The following TBC1D9B variants were observed in gnomAD, a reference collection of about 807,000 sequenced individuals.
TBC1D9B encodes TBC1 domain family, member 9B (with GRAM domain).
A neutral mutation model predicts 121.1 loss-of-function variants in TBC1D9B; 87 were observed. The observed-to-expected ratio is 0.72, with a 90% CI of 0.60 to 0.86. The LOEUF (loss-of-function observed/expected upper bound fraction) is 0.86, where lower values mean the gene tolerates loss of function less well. TBC1D9B is among the 40% of genes least tolerant of loss of function. The pLI, the probability that TBC1D9B is intolerant of heterozygous loss-of-function variation, is 0.00. For synonymous variants in TBC1D9B, 668 were observed against 670.1 expected (o/e 1.00, Z 0.05); for missense variants, 1,540 against 1,628.6 (o/e 0.95, Z 0.94).
chr5:179,897,998 A>C (rs904688317), intron 3 of TBC1D9B, among the ~76,000 whole-genome samples: 2 of 152,194 alleles, frequency 1.3e-5, no homozygotes, highest in Non-Finnish European at 2.9e-5. Flanking sequence ...AACTTAAGGC[A>C]ATAACCTAAC....
intron 2 of TBC1D9B, 55 bp from the exon 3 acceptor site, chr5:179,899,362 C>G: frequency 6.8e-7 from 1 of 1,474,288 alleles, no homozygotes; most frequent in Admixed American, 1.8e-5. Context: ...AGGCCTTAAA[C>G]GCACATTCAA....
chr5:179,882,197 G>A (rs955199005), intron 7 of TBC1D9B, among the ~76,000 whole-genome samples: 5 of 152,066 alleles, frequency 3.3e-5, no homozygotes, highest in African/African-American at 9.7e-5. Context: ...CGCCTGCCTC[G>A]GCCTCCCAAA....
chr5:179,907,488 T>C lies in TBC1D9B; in HGVS notation c.118+216A>G, dbSNP rs1761357154. Reference sequence around the variant, plus strand: ...TGAGGAGAGCCCGCCGAGGGCGCATTCGCCTCCCGCCAGCCCCTCGCCTCC... The same window carrying C: ...TGAGGAGAGCCCGCCGAGGGCGCATCCGCCTCCCGCCAGCCCCTCGCCTCC... On this transcript the variant is annotated intron_variant, in intron 1 of 20. Coordinates refer to ENST00000355235, the MANE Select transcript of TBC1D9B (RefSeq NM_015043.4). This position sits in a 1 kb window ranked among gnomAD's most constrained non-coding sequence, Gnocchi z 5.3. Among the ~76,000 whole-genome samples, 2 of 150,824 alleles carry C rather than the reference T, an allele frequency of 1.3e-5. No homozygotes were observed. The highest frequency in any genetic ancestry group is 6.6e-5 in the Admixed American group (1 of 15,148).
At chr5:179,886,699 C>T (rs901348936) in intron 7 of TBC1D9B, among the ~76,000 whole-genome samples, 20 of 152,260 alleles carry the variant, frequency 1.3e-4, no homozygotes, top group African/African-American at 4.3e-4. Context: ...AGCTCCCACG[C>T]CCGCTGCCCA....
chr5:179,898,715 CTGGGATTAT>C (rs2113646535), intron 3 of TBC1D9B, among the ~76,000 whole-genome samples: 1 of 152,306 alleles, frequency 6.6e-6, no homozygotes, highest in Non-Finnish European at 1.5e-5. Context: ...TCCCATAGTG[CTGGGATTAT>C]AGGTGTGGGC....
In TBC1D9B at chr5:179,891,835, C is replaced by T. The variant is rs2113637086; in HGVS notation, c.837-249G>A. 6.6e-6 allele frequency among the ~76,000 whole-genome samples: 1 copy of T among 152,320 alleles called. No individual in the cohort carries two copies. Among genetic ancestry groups the T allele is most frequent in the Non-Finnish European group, 1.5e-5 (1 of 68,026 alleles). On this transcript the variant is annotated intron_variant, in intron 5 of 20. Transcript: ENST00000355235. The surrounding 1 kb of genome is among the most constrained non-coding windows in gnomAD (Gnocchi z 4.3). ...GGCCAGCAAGCAATGTGTCCTGAGA[C>T]TGCTTTGAAAAGGACACACCTAGAT...
In TBC1D9B at chr5:179,905,948, C is replaced by T. The variant is rs547050919; in HGVS notation, c.119-1136G>A. 5.9e-5 allele frequency among the ~76,000 whole-genome samples: 9 copies of T among 152,322 alleles called. No homozygotes were observed. In the South Asian group the frequency reaches 1.9e-3, roughly 32 times the overall value. On this transcript the variant is annotated intron_variant, in intron 1 of 20. Transcript: ENST00000355235. ...AAGGTGGAGTGCAATGGCGCCATCT[C>T]GGCTCACTGCAACCTTGACCTCCTG...
chr5:179,891,436 G>A lies in TBC1D9B; in HGVS notation c.987C>T (p.Tyr329=). 6.2e-7 allele frequency: 1 copy of A among 1,614,236 alleles called. No individual in the cohort carries two copies. Among genetic ancestry groups the A allele is most frequent in the East Asian group, 2.2e-5 (1 of 44,884 alleles). ...CCTCCTCCTTGCTGGCGAAGCAGAT[G>A]TAGTTGTTGGAGATGAACATCTGGC... ...IPGQMFISNN[Y]ICFASKEEDA... Residue 329 remains tyrosine (Y), a synonymous_variant, in exon 6 of 21, where the codon TAC becomes TAT. Transcript: ENST00000355235. The surrounding 1 kb of genome is among the most constrained non-coding windows in gnomAD (Gnocchi z 4.3).
In TBC1D9B at chr5:179,870,491, T is replaced by C. The variant is rs753139399; in HGVS notation, c.2489A>G (p.Lys830Arg). The C allele has an allele frequency of 2.5e-6, 4 of 1,607,776 alleles. No individual in the cohort carries two copies. Among genetic ancestry groups the C allele is most frequent in the Non-Finnish European group, 3.4e-6 (4 of 1,179,294 alleles). Reference protein sequence around the residue: ...LEDLYMVFKAKHLASQYWGCS... With the variant: ...LEDLYMVFKARHLASQYWGCS... ...CCCCCAGTACTGGCTAGCCAGGTGC[T>C]TGGCCTGTGGGACACGGTCTGGTGA... The change falls in exon 16 of 21, where the codon AAG (lysine) becomes AGG (arginine). Residue 830 changes from lysine to arginine, a missense_variant. Transcript: ENST00000355235.
Position 179,885,698 on chromosome 5 carries a change from C to T in TBC1D9B, c.1254+2405G>A, listed in dbSNP as rs139024376. On this transcript the variant is annotated intron_variant, in intron 7 of 20. Transcript: ENST00000355235. This position sits in a 1 kb window ranked among gnomAD's most constrained non-coding sequence, Gnocchi z 4.5. ...CTCACAGCACATTTCCATTGGCACCCGCTGGATTTCCAGTGCTCCATGGCC... is the reference window on the plus strand; with the variant it reads ...CTCACAGCACATTTCCATTGGCACCTGCTGGATTTCCAGTGCTCCATGGCC... 2.9e-3 allele frequency among the ~76,000 whole-genome samples: 441 copies of T among 152,318 alleles called. 1 individual carries two copies. Among genetic ancestry groups the T allele is most frequent in the Middle Eastern group, 3.4e-3 (1 of 294 alleles).
At position 179,862,737 on chromosome 5, in the gene TBC1D9B, G is replaced by T. The variant is rs1012532311; in HGVS notation, c.*711C>A. On this transcript the variant is annotated 3_prime_UTR_variant, in exon 21 of 21. Transcript: ENST00000355235. Reference sequence around the variant, plus strand: ...CCACAGCAAGGCATTGCACACAGTGGTTTTTATTTCTTTCAGGGATTTATT... The same window carrying T: ...CCACAGCAAGGCATTGCACACAGTGTTTTTTATTTCTTTCAGGGATTTATT... 1.3e-5 allele frequency: 5 copies of T among 378,102 alleles called. No individual in the cohort carries two copies. Among genetic ancestry groups the T allele is most frequent in the Admixed American group, 3.0e-5 (1 of 33,766 alleles). 23.4% of individuals were successfully genotyped at this position (378,102 alleles called of 1,614,324 possible). A position where few individuals can be genotyped will look rare whatever the true frequency, so the allele number is the denominator to read the frequency against.
Position 179,875,810 on chromosome 5 carries a change from T to G in TBC1D9B, c.1900+110A>C. 1.2e-6 allele frequency: 1 copy of G among 816,204 alleles called. No individual in the cohort carries two copies. The highest frequency in any genetic ancestry group is 1.9e-6 in the Non-Finnish European group (1 of 535,346). The allele number at this position is 816,204 out of a possible 1,614,324, so 50.6% of individuals were successfully genotyped here. On this transcript the variant is annotated intron_variant, in intron 11 of 20. Transcript: ENST00000355235. This position sits in a 1 kb window ranked among gnomAD's most constrained non-coding sequence, Gnocchi z 4.5. The stretch of plus-strand genomic sequence containing the variant: ...CGAATGTGTAATACTACCCTCTAAC[T>G]CCTAGGGAACCCACGTGAAGCCTGG...
At position 179,891,738 on chromosome 5, in the gene TBC1D9B, C is replaced by G; in HGVS notation, c.837-152G>C. 2.6e-6 allele frequency: 2 copies of G among 765,436 alleles called. No homozygotes were observed. Among genetic ancestry groups the G allele is most frequent in the Non-Finnish European group, 4.1e-6 (2 of 482,578 alleles). 47.4% of individuals were successfully genotyped at this position (765,436 alleles called of 1,614,324 possible). A position where few individuals can be genotyped will look rare whatever the true frequency, so the allele number is the denominator to read the frequency against. On this transcript the variant is annotated intron_variant, in intron 5 of 20. Transcript: ENST00000355235. The surrounding 1 kb of genome is among the most constrained non-coding windows in gnomAD (Gnocchi z 4.3). Reference sequence around the variant, plus strand: ...TTGAGCAAGTCATGCTCAGGGACCTCAGAGTTCAATAAAAGATGCATGCTG... The same window carrying G: ...TTGAGCAAGTCATGCTCAGGGACCTGAGAGTTCAATAAAAGATGCATGCTG...
rs1028609211 is a variant in TBC1D9B, at chr5:179,865,676, G to A, written c.2914+162C>T. 1.9e-5 allele frequency: 15 copies of A among 796,794 alleles called. No individual in the cohort carries two copies. The highest frequency in any genetic ancestry group is 8.7e-5 in the African/African-American group (5 of 57,614). The allele number at this position is 796,794 out of a possible 1,614,324, so 49.4% of individuals were successfully genotyped here. A position where few individuals can be genotyped will look rare whatever the true frequency, so the allele number is the denominator to read the frequency against. ...GGTGCCCGTGGGGCTGGTGGAGAGC[G>A]TGGAGCCTCCTGTGCATCCCGAGGC... On this transcript the variant is annotated intron_variant, in intron 19 of 20. Transcript: ENST00000355235. The surrounding 1 kb of genome is among the most constrained non-coding windows in gnomAD (Gnocchi z 5.1).
Position 179,863,668 on chromosome 5 carries a change from C to T in TBC1D9B, c.3482G>A (p.Gly1161Asp), listed in dbSNP as rs751908813. 6 of 1,613,712 alleles carry T rather than the reference C, an allele frequency of 3.7e-6. No individual in the cohort carries two copies. Among genetic ancestry groups the T allele is most frequent in the Non-Finnish European group, 5.1e-6 (6 of 1,180,026 alleles). Reference sequence around the variant, plus strand: ...CGCTGTGGGGCTGCAGGCCTCCCCGCCCACCAGCACCGTGTCGTCTGCAAG... The same window carrying T: ...CGCTGTGGGGCTGCAGGCCTCCCCGTCCACCAGCACCGTGTCGTCTGCAAG... ...EDLADDTVLVGGEACSPTARI... is the reference protein window; with the variant it reads ...EDLADDTVLVDGEACSPTARI... Residue 1161 changes from glycine to aspartate, a missense_variant, in exon 21 of 21, where the codon GGC becomes GAC. Coordinates refer to ENST00000355235, the MANE Select transcript of TBC1D9B (RefSeq NM_015043.4). This position sits in a 1 kb window ranked among gnomAD's most constrained non-coding sequence, Gnocchi z 4.5.
In TBC1D9B at chr5:179,878,574, G is replaced by A. The variant is rs748897401; in HGVS notation, c.1568-51C>T. The A allele has an allele frequency of 5.2e-6, 8 of 1,534,520 alleles. No homozygotes were observed. The Admixed American group carries it at 1.6e-4, about 30-fold the overall frequency. On this transcript the variant is annotated intron_variant, in intron 9 of 20. Transcript: ENST00000355235. ...CTCTGTCCTTCTTCTGGTACTTTGG[G>A]GGCAGTAACAGGGCAGGTTGGAGTC...
At position 179,885,590 on chromosome 5, in the gene TBC1D9B, C is replaced by T. The variant is rs999070670; in HGVS notation, c.1254+2513G>A. The stretch of plus-strand genomic sequence containing the variant: ...GGTGACAGAGCAAGACTCTGTCCCC[C>T]CCCCAAAAAAAAAAAGATGGAGGTA... On this transcript the variant is annotated intron_variant, in intron 7 of 20. Transcript: ENST00000355235. This position sits in a 1 kb window ranked among gnomAD's most constrained non-coding sequence, Gnocchi z 4.5. 2.4e-5 allele frequency among the ~76,000 whole-genome samples: 3 copies of T among 123,984 alleles called. No individual in the cohort carries two copies. The highest frequency in any genetic ancestry group is 3.4e-5 in the Non-Finnish European group (2 of 58,050). 81.3% of individuals were successfully genotyped at this position (123,984 alleles called of 152,430 possible). A position where few individuals can be genotyped will look rare whatever the true frequency, so the allele number is the denominator to read the frequency against.
rs1760648241 is a variant in TBC1D9B at position 179,885,397 on chromosome 5, C to T, written c.1254+2706G>A. Among the ~76,000 whole-genome samples, 1 of 152,014 alleles carries T rather than the reference C, an allele frequency of 6.6e-6. No homozygotes were observed. Among genetic ancestry groups the T allele is most frequent in the Admixed American group, 6.6e-5 (1 of 15,262 alleles). On this transcript the variant is annotated intron_variant, in intron 7 of 20. Coordinates refer to ENST00000355235, the MANE Select transcript of TBC1D9B (RefSeq NM_015043.4). This position sits in a 1 kb window ranked among gnomAD's most constrained non-coding sequence, Gnocchi z 4.5. ...CTGAGGTCAGGAGTTCAAGACCAGA[C>T]TGGCCAACATGGCAAAAACCCGTCT...
Position 179,863,483 on chromosome 5 carries a change from C to T in TBC1D9B, c.3667G>A (p.Ala1223Thr), listed in dbSNP as rs151265651. ...QKKVERQFST[A>T]SDHEQPGVSG The stretch of plus-strand genomic sequence containing the variant: ...ACTCCAGGCTGCTCATGGTCACTGG[C>T]GGTGCTGAACTGTCTCTCCACTTTC... The change falls in exon 21 of 21, where the codon GCC becomes ACC. Residue 1223 changes from alanine to threonine, a missense_variant. Physicochemically the swap from Ala to Thr is moderately conservative, Grantham distance 58 (BLOSUM62 0). Transcript: ENST00000355235. This position sits in a 1 kb window ranked among gnomAD's most constrained non-coding sequence, Gnocchi z 4.5. 8.6e-4 allele frequency: 1,381 copies of T among 1,613,938 alleles called. 4 individuals carry two copies. Among genetic ancestry groups the T allele is most frequent in the Non-Finnish European group, 1.1e-3 (1,250 of 1,179,940 alleles).
Sources: allele counts gnomAD v4.1 joint callset (sites outside exome capture counted in the v4.1 genomes callset), GRCh38; gene constraint gnomAD v4.1.1; non-coding constraint Gnocchi (gnomAD v3.1); transcripts MANE v1.5; gene names NCBI Gene and HGNC (gene_info 2026-07-23, HGNC 2026-07-21).